Variants in LASP1 observed in about 807,000 individuals in gnomAD.
The protein encoded by LASP1 is LIM and SH3 domain protein 1.
LASP1 carries 10 observed loss-of-function variants against 38.6 expected under a neutral mutation model. That is an observed-to-expected ratio of 0.26 (90% CI 0.16 to 0.44). The LOEUF (loss-of-function observed/expected upper bound fraction) is 0.44, where lower values mean the gene tolerates loss of function less well. LASP1 is among the 20% of genes least tolerant of loss of function. The pLI, the probability that LASP1 is intolerant of heterozygous loss-of-function variation, is 1.00. For missense variants in LASP1, 243 were observed against 375.7 expected, an observed-to-expected ratio of 0.65 and a Z score of 2.92; for synonymous variants, 132 against 140.8, an observed-to-expected ratio of 0.94 and a Z score of 0.44.
At chr17:38,915,190 C>T (rs773849503) in intron 6 of LASP1, 44 bp downstream of exon 6, 2 of 1,526,818 alleles carry the variant, frequency 1.3e-6, no homozygotes, top group South Asian at 1.1e-5. Context: ...GGCAGGGGGT[C>T]CTTCGGGAAG....
intron 2 of LASP1, 118 bp downstream of exon 2, chr17:38,878,298 T>C (rs1236885733): frequency 2.9e-6 from 2 of 681,032 alleles, no homozygotes; most frequent in Non-Finnish European, 2.7e-6. Flanking sequence ...ATCCCCTACT[T>C]GAACATCACA....
At position 38,914,369 on chromosome 17, in the gene LASP1, C is replaced by T. The variant is rs755621366; in HGVS notation, c.402C>T (p.Ser134=). The change falls in exon 5 of 7, where the codon AGC becomes AGT. Residue 134 remains serine (S), a synonymous_variant. Coordinates refer to ENST00000318008, the MANE Select transcript of LASP1 (RefSeq NM_006148.4). ...EEFEKSRMGP[S]GGEGMEPERR... ...TTGAGAAGAGCCGCATGGGCCCTAG[C>T]GGGGGCGAGGGCATGGAGCCAGAGC... 23 of 1,611,888 alleles carry T rather than the reference C, an allele frequency of 1.4e-5. No homozygotes were observed. The highest frequency in any genetic ancestry group is 3.3e-5 in the Admixed American group (2 of 59,912).
rs1224397252 is a variant in LASP1 at position 38,918,982 on chromosome 17, C to T, written c.*204C>T. On this transcript the variant is annotated 3_prime_UTR_variant, in exon 7 of 7. Coordinates refer to ENST00000318008, the MANE Select transcript of LASP1 (RefSeq NM_006148.4). This position sits in a 1 kb window ranked among gnomAD's most constrained non-coding sequence, Gnocchi z 4.4. ...TCCTCTGGCAGGCTTCCCCCTTGAT[C>T]GACTTCTTGGTTTTCTCTCTGGATG... 7.4e-5 allele frequency: 46 copies of T among 624,354 alleles called. No individual in the cohort carries two copies. The highest frequency in any genetic ancestry group is 3.9e-4 in the South Asian group (20 of 50,970). 38.7% of individuals were successfully genotyped at this position (624,354 alleles called of 1,614,324 possible). A position where few individuals can be genotyped will look rare whatever the true frequency, so the allele number is the denominator to read the frequency against.
intron 1 of LASP1, among the ~76,000 whole-genome samples, chr17:38,875,089 G>GTGTGTGTGT (rs1555553217): frequency 6.6e-4 from 74 of 111,530 alleles, no homozygotes; most frequent in African/African-American, 2.2e-3. Context: ...GTGTGTGTGT[G>GTGTGTGTGT]AGAAAGTGGG....
Position 38,870,252 on chromosome 17 carries a change from GGATAAGGT to G in LASP1, c.66_69+4del. 1 of 1,613,606 alleles carries G rather than the reference GGATAAGGT, an allele frequency of 6.2e-7. No homozygotes were observed. The highest frequency in any genetic ancestry group is 2.2e-5 in the East Asian group (1 of 44,838). On this transcript the variant is annotated splice_donor_variant and coding_sequence_variant, in exon 1 of 7. Transcript: ENST00000318008. LOFTEE classifies it high-confidence loss of function. ...ATCCCACGGAGAAGGTGAACTGTCT[GGATAAGGT>G]GAGCCCGGGACCGGGAGACGCGTCT...
intron 1 of LASP1, among the ~76,000 whole-genome samples, chr17:38,874,963 A>T (rs1056283173): frequency 6.6e-6 from 1 of 152,020 alleles, no homozygotes; most frequent in Non-Finnish European, 1.5e-5. Flanking sequence ...AGGCCTGGCC[A>T]TCTGGAGTAG....
chr17:38,901,759 G>C (rs1436697522), intron 4 of LASP1, among the ~76,000 whole-genome samples: 1 of 151,964 alleles, frequency 6.6e-6, no homozygotes. Context: ...CCCCAGGGGA[G>C]CTTTATTTTT....
chr17:38,899,763 G>C (rs1302659700), intron 4 of LASP1, among the ~76,000 whole-genome samples: 1 of 49,054 alleles, frequency 2.0e-5, no homozygotes, highest in Non-Finnish European at 4.8e-5. Context: ...TTTTTTTTTT[G>C]AGACAGAGTC....
In LASP1 at chr17:38,883,350, A is replaced by C. The variant is rs145791911; in HGVS notation, c.164+5170A>C. Among the ~76,000 whole-genome samples the C allele has an allele frequency of 9.4e-3, 1,427 of 152,294 alleles. 31 individuals are homozygous for C. Among genetic ancestry groups the C allele is most frequent in the African/African-American group, 0.032 (1,332 of 41,568 alleles). On this transcript the variant is annotated intron_variant, in intron 2 of 6. Transcript: ENST00000318008. ...AGCCCTGATTGCACCACAGCACTCC[A>C]GCCTGGCAACAGAGGGACACTCTGT...
At chr17:38,870,734 T>TGGC (rs1001906333) in intron 1 of LASP1, among the ~76,000 whole-genome samples, 1 of 150,586 alleles carries the variant, frequency 6.6e-6, no homozygotes, top group African/African-American at 2.5e-5. Context: ...CCGGCGGGGG[T>TGGC]GGCCTGGCTT....
Position 38,918,516 on chromosome 17 carries a change from G to A in LASP1, c.613-89G>A. 1 of 1,327,486 alleles carries A rather than the reference G, an allele frequency of 7.5e-7. No homozygotes were observed. Among genetic ancestry groups the A allele is most frequent in the Non-Finnish European group, 1.0e-6 (1 of 966,706 alleles). 82.2% of individuals were successfully genotyped at this position (1,327,486 alleles called of 1,614,324 possible). A position where few individuals can be genotyped will look rare whatever the true frequency, so the allele number is the denominator to read the frequency against. On this transcript the variant is annotated intron_variant, in intron 6 of 6. Coordinates refer to ENST00000318008, the MANE Select transcript of LASP1 (RefSeq NM_006148.4). This position sits in a 1 kb window ranked among gnomAD's most constrained non-coding sequence, Gnocchi z 4.4. ...TGAGTTCACTGCTCCCCCAGGCTCTGCTCCAGGGTCGTGGAGAGTTAGAAA... is the reference window on the plus strand; with the variant it reads ...TGAGTTCACTGCTCCCCCAGGCTCTACTCCAGGGTCGTGGAGAGTTAGAAA...
intron 1 of LASP1, among the ~76,000 whole-genome samples, chr17:38,877,821 T>C (rs887403655): frequency 5.3e-5 from 8 of 152,180 alleles, no homozygotes; most frequent in African/African-American, 1.9e-4. Flanking sequence ...AACTGGGCTC[T>C]TCCCCCCTGT....
At chr17:38,891,404 C>G (rs1015911453) in intron 3 of LASP1, among the ~76,000 whole-genome samples, 1 of 152,078 alleles carries the variant, frequency 6.6e-6, no homozygotes, top group Non-Finnish European at 1.5e-5. Flanking sequence ...TGCCCGGGTC[C>G]ATCAGGGAGA....
chr17:38,912,841 C>T (rs780501565), intron 4 of LASP1, among the ~76,000 whole-genome samples: 3 of 152,158 alleles, frequency 2.0e-5, no homozygotes, highest in Non-Finnish European at 4.4e-5. Context: ...ACTGAGCTGG[C>T]GCCGAGGCTC....
At chr17:38,910,825 C>A (rs1017665777) in intron 4 of LASP1, among the ~76,000 whole-genome samples, 2 of 151,770 alleles carry the variant, frequency 1.3e-5, no homozygotes, top group African/African-American at 4.9e-5. Flanking sequence ...AAGGTTCAAG[C>A]AATTCTCGTG....
intron 3 of LASP1, among the ~76,000 whole-genome samples, chr17:38,895,709 G>A (rs1223545609): frequency 6.6e-6 from 1 of 152,208 alleles, no homozygotes. Flanking sequence ...GAGATTACGT[G>A]TCTGCATTCA....
At chr17:38,901,924 C>T (rs747485972) in intron 4 of LASP1, among the ~76,000 whole-genome samples, 28 of 152,102 alleles carry the variant, frequency 1.8e-4, no homozygotes, top group Non-Finnish European at 2.9e-4. Context: ...CGCCACCACG[C>T]CCGGCTAATA....
At position 38,921,457 on chromosome 17, in the gene LASP1, T is replaced by C. The variant is rs1915296225; in HGVS notation, c.*2679T>C. On this transcript the variant is annotated 3_prime_UTR_variant, in exon 7 of 7. Coordinates refer to ENST00000318008, the MANE Select transcript of LASP1 (RefSeq NM_006148.4). ...TCACACATGCACTTTTGGGCCTTTTTTTATAGCTGGAAAAAACAAAATACC... is the reference window on the plus strand; with the variant it reads ...TCACACATGCACTTTTGGGCCTTTTCTTATAGCTGGAAAAAACAAAATACC... 4.3e-6 allele frequency: 1 copy of C among 232,586 alleles called. No homozygotes were observed. The highest frequency in any genetic ancestry group is 6.1e-5 in the East Asian group (1 of 16,446). 14.4% of individuals were successfully genotyped at this position (232,586 alleles called of 1,614,324 possible).
In LASP1 at chr17:38,920,657, G is replaced by A. The variant is rs1915273300; in HGVS notation, c.*1879G>A. 1 of 234,018 alleles carries A rather than the reference G, an allele frequency of 4.3e-6. No homozygotes were observed. Among genetic ancestry groups the A allele is most frequent in the African/African-American group, 2.2e-5 (1 of 45,318 alleles). 14.5% of individuals were successfully genotyped at this position (234,018 alleles called of 1,614,324 possible). Reference sequence around the variant, plus strand: ...TCAACTGCTTGTTAATTGATTTGGGGATGTTTGCCCCGAATGAGAGGTTGA... The same window carrying A: ...TCAACTGCTTGTTAATTGATTTGGGAATGTTTGCCCCGAATGAGAGGTTGA... On this transcript the variant is annotated 3_prime_UTR_variant, in exon 7 of 7. Transcript: ENST00000318008.
Sources: gnomAD v4.1 joint callset for allele counts (sites outside exome capture counted in the v4.1 genomes callset) on GRCh38, gnomAD v4.1.1 for gene constraint, Gnocchi (gnomAD v3.1) non-coding constraint, MANE v1.5 for transcripts, NCBI Gene and HGNC (gene_info 2026-07-23, HGNC 2026-07-21) for gene names.